OTUB1: variants seen among roughly 807,000 people sequenced by gnomAD.
OTUB1 encodes ubiquitin thioesterase OTUB1.
A neutral mutation model predicts 35.8 loss-of-function variants in OTUB1; 10 were observed. The ratio of observed to expected loss-of-function variants is 0.28; its 90% CI spans 0.17 to 0.47. The LOEUF (loss-of-function observed/expected upper bound fraction) is 0.47. Among genes scored for constraint, OTUB1 ranks in the 20% least tolerant of loss-of-function variants. The pLI is 0.99. For synonymous variants in OTUB1, 158 were observed against 143.8 expected, an observed-to-expected ratio of 1.10 and a Z score of -0.71; for missense variants, 264 against 351.6, an observed-to-expected ratio of 0.75 and a Z score of 1.99.
chr11:63,986,484 A>T lies in OTUB1; in HGVS notation c.28A>T (p.Lys10Ter), dbSNP rs1302507934. The part of the protein sequence containing the change: MAAEEPQQQ[K>*]QEPLGSDSEG... ...GGCGGCGGAGGAACCTCAGCAGCAG[A>T]AGCAGGAGCCGCTGGGCAGCGACTC... The change falls in exon 1 of 7, where the codon AAG becomes TAG. Residue 10 changes from lysine to a stop codon, truncating the protein, a stop_gained. Coordinates refer to ENST00000538426, the MANE Select transcript of OTUB1 (RefSeq NM_017670.3). LOFTEE classifies it high-confidence loss of function. 1 of 1,554,444 alleles carries T rather than the reference A, an allele frequency of 6.4e-7. No homozygotes were observed.
At position 63,996,517 on chromosome 11, in the gene OTUB1, G is replaced by A; in HGVS notation, c.220-13G>A. The A allele has an allele frequency of 6.2e-7, 1 of 1,613,518 alleles. No individual in the cohort carries two copies. The highest frequency in any genetic ancestry group is 8.5e-7 in the Non-Finnish European group (1 of 1,179,662). On this transcript the variant is annotated splice_polypyrimidine_tract_variant and intron_variant, in intron 3 of 6. Transcript: ENST00000538426. ...CCTGATGTTAACCTGTCGGGGTGGG[G>A]CTGTCTCCGCAGGACCTCCACAAAA...
chr11:63,991,454 T>G (rs1367835202), intron 3 of OTUB1, among the ~76,000 whole-genome samples: 1 of 152,204 alleles, frequency 6.6e-6, no homozygotes, highest in Non-Finnish European at 1.5e-5. Context: ...AACATTTGGA[T>G]GTCCAGAGCA....
intron 2 of OTUB1, 35 bp from the exon 3 acceptor site, chr11:63,988,619 C>G: frequency 6.6e-7 from 1 of 1,509,726 alleles, no homozygotes; most frequent in Middle Eastern, 1.7e-4. Flanking sequence ...ACTCCATCTC[C>G]CTGCTAGGAC....
chr11:63,997,915 C>T lies in OTUB1; in HGVS notation c.*369C>T, dbSNP rs1400234116. The stretch of plus-strand genomic sequence containing the variant: ...CTGGCTCAGGGGCTTCTATGGGATC[C>T]TGGAAGTTCCTTAGGGACTTGCCCA... On this transcript the variant is annotated 3_prime_UTR_variant, in exon 7 of 7. Coordinates refer to ENST00000538426, the MANE Select transcript of OTUB1 (RefSeq NM_017670.3). The T allele has an allele frequency of 8.2e-6, 5 of 607,614 alleles. No homozygotes were observed. Among genetic ancestry groups the T allele is most frequent in the Non-Finnish European group, 1.5e-5 (5 of 341,548 alleles). The allele number at this position is 607,614 out of a possible 1,614,324, so 37.6% of individuals were successfully genotyped here.
At chr11:63,989,864 A>C (rs1001872469) in intron 3 of OTUB1, 1 of 151,672 alleles carries the variant, frequency 6.6e-6, no homozygotes, top group Admixed American at 6.6e-5. Flanking sequence ...ATACAAAAAA[A>C]TTAGCCAGGC....
Position 63,996,628 on chromosome 11 carries a change from T to C in OTUB1, c.318T>C (p.Asp106=). 3.1e-6 allele frequency: 5 copies of C among 1,614,222 alleles called. No individual in the cohort carries two copies. Among genetic ancestry groups the C allele is most frequent in the Non-Finnish European group, 4.2e-6 (5 of 1,180,034 alleles). Residue 106 remains aspartate, a synonymous_variant, in exon 4 of 7, where the codon GAT becomes GAC. Transcript: ENST00000538426. ...FGFSHLEALL[D]DSKELQRFKA... The stretch of plus-strand genomic sequence containing the variant: ...TCTCCCACTTGGAGGCACTGCTGGA[T>C]GACAGCAAGGAGTTGCAGCGGTGAG...
rs1197790950 is a variant in OTUB1 at position 63,998,285 on chromosome 11, GTC to G, written c.*743_*744del. The G allele has an allele frequency of 5.6e-6, 1 of 178,258 alleles. No homozygotes were observed. The highest frequency in any genetic ancestry group is 1.6e-4 in the East Asian group (1 of 6,248). The allele number at this position is 178,258 out of a possible 1,614,324, so 11.0% of individuals were successfully genotyped here. A position where few individuals can be genotyped will look rare whatever the true frequency, so the allele number is the denominator to read the frequency against. ...GCACCCCCTCTGCTTGGGCCACGGT[GTC>G]TCTGCATTGCCTGCCTTTTTGCCTT... On this transcript the variant is annotated 3_prime_UTR_variant, in exon 7 of 7. Transcript: ENST00000538426.
intron 4 of OTUB1, 53 bp downstream of exon 4, chr11:63,996,701 C>G (rs751083938): frequency 6.2e-7 from 1 of 1,613,522 alleles, no homozygotes; most frequent in African/African-American, 1.3e-5. Context: ...ACCTCCTCCC[C>G]GGGCGAGTAG....
chr11:63,986,665 C>T (rs1770278716), intron 1 of OTUB1, 151 bp downstream of exon 1: 2 of 648,770 alleles, frequency 3.1e-6, no homozygotes, highest in South Asian at 2.1e-5. Context: ...TCCCCTCCCC[C>T]TCACAATGGA....
At chr11:63,987,507 A>G (rs974228003) in intron 1 of OTUB1, among the ~76,000 whole-genome samples, 9 of 152,036 alleles carry the variant, frequency 5.9e-5, no homozygotes, top group Admixed American at 5.9e-4. Flanking sequence ...TGCCTCTAAG[A>G]AAGGCGAGGG....
At chr11:63,988,433 C>T in intron 2 of OTUB1, 35 bp downstream of exon 2, 1 of 1,542,042 alleles carries the variant, frequency 6.5e-7, no homozygotes, top group South Asian at 1.2e-5. Context: ...AGGCAGTGGC[C>T]AGCAGCCCCA....
Position 63,997,131 on chromosome 11 carries a change from G to T in OTUB1, c.505G>T (p.Asp169Tyr). The T allele has an allele frequency of 6.2e-7, 1 of 1,614,192 alleles. No homozygotes were observed. Among genetic ancestry groups the T allele is most frequent in the Non-Finnish European group, 8.5e-7 (1 of 1,180,016 alleles). The change falls in exon 6 of 7, where the codon GAC becomes TAC. Residue 169 changes from aspartate (D) to tyrosine (Y), a missense_variant. Physicochemically the swap from Asp to Tyr is radical, Grantham distance 160 (BLOSUM62 -3). Coordinates refer to ENST00000538426, the MANE Select transcript of OTUB1 (RefSeq NM_017670.3). ...CTCCTTCAATGACCAGAGCACCTCC[G>T]ACTACCTTGTGGTCTACCTGCGGCT... ...LASFNDQSTS[D>Y]YLVVYLRLLT... is the part of the protein sequence containing the mutation.
At chr11:63,990,586 A>G (rs1448698423) in intron 3 of OTUB1, 1 of 103,408 alleles carries the variant, frequency 9.7e-6, no homozygotes, top group East Asian at 2.0e-4. Flanking sequence ...CCTGTCTCTT[A>G]AAAAAATAAA....
chr11:63,993,870 C>T (rs903853994), intron 3 of OTUB1, among the ~76,000 whole-genome samples: 1 of 151,566 alleles, frequency 6.6e-6, no homozygotes, highest in African/African-American at 2.4e-5. Flanking sequence ...GGAAGCTGGC[C>T]GGGTGCGGCA....
In OTUB1 at chr11:63,997,546, G is replaced by T; in HGVS notation, c.816G>T (p.Ter272TyrextTer17). Residue 272 changes from the stop codon to tyrosine (Y), a stop_lost, in exon 7 of 7, where the codon TAG becomes TAT. Coordinates refer to ENST00000538426, the MANE Select transcript of OTUB1 (RefSeq NM_017670.3). The part of the protein sequence containing the change: ...RPGHYDILYK[*>Y] Reference sequence around the variant, plus strand: ...GACACTACGATATCCTCTACAAATAGGGCTGGCTCCAGCCCGCTGCTGCCC... The same window carrying T: ...GACACTACGATATCCTCTACAAATATGGCTGGCTCCAGCCCGCTGCTGCCC... 1 of 1,613,058 alleles carries T rather than the reference G, an allele frequency of 6.2e-7. No homozygotes were observed.
In OTUB1 at chr11:63,997,573, G is replaced by T; in HGVS notation, c.*27G>T. ...GCTGGCTCCAGCCCGCTGCTGCCCT[G>T]CTGCCCCCCTCTGCCAGGCGCTAGA... On this transcript the variant is annotated 3_prime_UTR_variant, in exon 7 of 7. Coordinates refer to ENST00000538426, the MANE Select transcript of OTUB1 (RefSeq NM_017670.3). 1 of 1,596,410 alleles carries T rather than the reference G, an allele frequency of 6.3e-7. No homozygotes were observed. Among genetic ancestry groups the T allele is most frequent in the South Asian group, 1.1e-5 (1 of 90,738 alleles).
At position 63,988,418 on chromosome 11, in the gene OTUB1, G is replaced by C; in HGVS notation, c.120+20G>C. ...CAAGAGGTGAGGGGCTGCAGTGGGC[G>C]AGGGAGGCAGTGGCCAGCAGCCCCA... On this transcript the variant is annotated intron_variant, in intron 2 of 6. Coordinates refer to ENST00000538426, the MANE Select transcript of OTUB1 (RefSeq NM_017670.3). The C allele has an allele frequency of 6.4e-7, 1 of 1,551,666 alleles. No individual in the cohort carries two copies. The highest frequency in any genetic ancestry group is 1.2e-5 in the South Asian group (1 of 84,492).
intron 1 of OTUB1, chr11:63,986,872 G>T: frequency 4.1e-6 from 1 of 241,414 alleles, no homozygotes; most frequent in Non-Finnish European, 7.9e-6. Flanking sequence ...GCCTACGCCA[G>T]GGCCGAGCCC....
rs1289003922 is a variant in OTUB1 at position 63,988,706 on chromosome 11, A to G, written c.173A>G (p.Tyr58Cys). The G allele has an allele frequency of 6.2e-7, 1 of 1,613,318 alleles. No individual in the cohort carries two copies. The highest frequency in any genetic ancestry group is 1.1e-5 in the South Asian group (1 of 91,054). The change falls in exon 3 of 7, where the codon TAC (tyrosine) becomes TGC (cysteine). Residue 58 changes from tyrosine (Y) to cysteine (C), a missense_variant. By Grantham distance (194) the Tyr-to-Cys change is radical (BLOSUM62 -2). Coordinates refer to ENST00000538426, the MANE Select transcript of OTUB1 (RefSeq NM_017670.3). ...GAGCGGCTGGAGCTCTCGGTCCTAT[A>G]CAAGGAGTATGCTGAAGATGACAAC... ...VSERLELSVLYKEYAEDDNIY... is the reference protein window; with the variant it reads ...VSERLELSVLCKEYAEDDNIY...
Sources: gnomAD v4.1 joint callset for allele counts (sites outside exome capture counted in the v4.1 genomes callset) on GRCh38, gnomAD v4.1.1 for gene constraint, MANE v1.5 for transcripts, NCBI Gene and HGNC (gene_info 2026-07-23, HGNC 2026-07-21) for gene names.